The following EFNB2 variants were observed in gnomAD, a reference collection of about 807,000 sequenced individuals.
EFNB2 encodes the protein ephrin B2.
EFNB2 carries 5 observed loss-of-function variants against 32.1 expected under a neutral mutation model. The observed-to-expected ratio is 0.16, with a 90% confidence interval of 0.08 to 0.33. The LOEUF is 0.33. Among genes scored for constraint, EFNB2 ranks in the 10% least tolerant of loss-of-function variants. The pLI is 1.00. For missense variants in EFNB2, 263 were observed against 422.6 expected, an observed-to-expected ratio of 0.62 and a Z score of 3.31; for synonymous variants, 168 against 166.5, an observed-to-expected ratio of 1.01 and a Z score of -0.07.
chr13:106,530,147 G>T (rs1371823915), intron 1 of EFNB2, among the ~76,000 whole-genome samples: 9 of 152,086 alleles, frequency 5.9e-5, no homozygotes, highest in Admixed American at 5.2e-4. Flanking sequence ...GTATTCTTTG[G>T]CTTTATAGAG....
intron 1 of EFNB2, among the ~76,000 whole-genome samples, chr13:106,534,483 C>G (rs1352481745): frequency 1.3e-5 from 2 of 152,234 alleles, no homozygotes; most frequent in African/African-American, 4.8e-5. Context: ...GCCCACCAGT[C>G]CCCGCGTGCC....
At chr13:106,502,844 G>A (rs1053620833) in intron 2 of EFNB2, among the ~76,000 whole-genome samples, 1 of 68,814 alleles carries the variant, frequency 1.5e-5, no homozygotes, top group Non-Finnish European at 2.9e-5. Flanking sequence ...AAAGACGGAA[G>A]AGCAGAAAGT....
At chr13:106,504,986 T>C (rs1282876816) in intron 2 of EFNB2, among the ~76,000 whole-genome samples, 1 of 152,042 alleles carries the variant, frequency 6.6e-6, no homozygotes, top group East Asian at 1.9e-4. Flanking sequence ...AAAAAGAAAA[T>C]TCATAAGAGC....
At chr13:106,508,981 A>T (rs905448815) in intron 2 of EFNB2, among the ~76,000 whole-genome samples, 1 of 152,258 alleles carries the variant, frequency 6.6e-6, no homozygotes, top group Non-Finnish European at 1.5e-5. Flanking sequence ...AAGAATTTAC[A>T]GAGGATCATG....
intron 1 of EFNB2, among the ~76,000 whole-genome samples, chr13:106,531,893 A>G (rs1320279442): frequency 1.3e-5 from 2 of 152,196 alleles, no homozygotes; most frequent in African/African-American, 2.4e-5. Flanking sequence ...GCATTGCAGA[A>G]CACCATACCA....
In EFNB2 at chr13:106,490,250, C is replaced by A. The variant is rs997331878; in HGVS notation, c.*2790G>T. 6.6e-6 allele frequency: 1 copy of A among 152,166 alleles called. No homozygotes were observed. Among genetic ancestry groups the A allele is most frequent in the Non-Finnish European group, 1.5e-5 (1 of 68,008 alleles). 9.4% of individuals were successfully genotyped at this position (152,166 alleles called of 1,614,324 possible). ...AGGTGAATAAGGCTACTGTAACACCCCAAATCCATAGACAGTAAAATCTGA... is the reference window on the plus strand; with the variant it reads ...AGGTGAATAAGGCTACTGTAACACCACAAATCCATAGACAGTAAAATCTGA... On this transcript the variant is annotated 3_prime_UTR_variant, in exon 5 of 5. Coordinates refer to ENST00000646441, the MANE Select transcript of EFNB2 (RefSeq NM_004093.4).
rs1879387335 is a variant in EFNB2, at chr13:106,518,394, G to A, written c.123-5582C>T. ...AATATTCTTTAATATTAATAGACTA[G>A]AACACAGCATAATTAATGAAGACAA... is the stretch of plus-strand genomic sequence containing the variant. On this transcript the variant is annotated intron_variant, in intron 1 of 4. Coordinates refer to ENST00000646441, the MANE Select transcript of EFNB2 (RefSeq NM_004093.4). This position sits in a 1 kb window ranked among gnomAD's most constrained non-coding sequence, Gnocchi z 4.1. 1 of 152,166 alleles carries A rather than the reference G, an allele frequency of 6.6e-6. No homozygotes were observed. Among genetic ancestry groups the A allele is most frequent in the African/African-American group, 2.4e-5 (1 of 41,438 alleles). 9.4% of individuals were successfully genotyped at this position (152,166 alleles called of 1,614,324 possible).
chr13:106,504,366 A>C (rs763409853), intron 2 of EFNB2, among the ~76,000 whole-genome samples: 32 of 152,350 alleles, frequency 2.1e-4, no homozygotes, highest in Non-Finnish European at 4.1e-4. Context: ...ACAGTTTAGA[A>C]TATAACAACA....
chr13:106,523,554 G>A (rs1175145046), intron 1 of EFNB2, among the ~76,000 whole-genome samples: 6 of 152,192 alleles, frequency 3.9e-5, no homozygotes, highest in South Asian at 2.1e-4. Context: ...ACCTCTGGCC[G>A]GCGGCTGCAT....
Position 106,534,978 on chromosome 13 carries a change from C to A in EFNB2, c.-14G>T. On this transcript the variant is annotated 5_prime_UTR_variant, in exon 1 of 5. Transcript: ENST00000646441. Reference sequence around the variant, plus strand: ...TCTCACAGCCATGGCGAAGCCACTCCCAGCTCCGCGCACTCCGGGCCAAGA... The same window carrying A: ...TCTCACAGCCATGGCGAAGCCACTCACAGCTCCGCGCACTCCGGGCCAAGA... The A allele has an allele frequency of 1.2e-6, 2 of 1,612,462 alleles. No individual in the cohort carries two copies. The highest frequency in any genetic ancestry group is 1.7e-6 in the Non-Finnish European group (2 of 1,179,212).
Position 106,535,149 on chromosome 13 carries a change from A to C in EFNB2, c.-185T>G. On this transcript the variant is annotated 5_prime_UTR_variant, in exon 1 of 5. Transcript: ENST00000646441. ...GGTGCGCTCGCTCTCCGGGGCCCTCAGGGCGCGGGGCGGGAGCGCACGCGC... is the reference window on the plus strand; with the variant it reads ...GGTGCGCTCGCTCTCCGGGGCCCTCCGGGCGCGGGGCGGGAGCGCACGCGC... The C allele has an allele frequency of 2.1e-6, 1 of 471,794 alleles. No homozygotes were observed. Among genetic ancestry groups the C allele is most frequent in the Non-Finnish European group, 3.0e-6 (1 of 337,628 alleles). The allele number at this position is 471,794 out of a possible 1,614,324, so 29.2% of individuals were successfully genotyped here. A position where few individuals can be genotyped will look rare whatever the true frequency, so the allele number is the denominator to read the frequency against.
intron 2 of EFNB2, 89 bp downstream of exon 2, chr13:106,512,440 C>A (rs1594169777): frequency 7.5e-6 from 5 of 670,558 alleles, no homozygotes; most frequent in East Asian, 5.0e-5. Context: ...AATTATTTGT[C>A]ACAATAATTT....
chr13:106,508,613 G>T (rs1879035206), intron 2 of EFNB2, among the ~76,000 whole-genome samples: 1 of 152,070 alleles, frequency 6.6e-6, no homozygotes, highest in African/African-American at 2.4e-5. Context: ...GACTTAGGTG[G>T]GGCTATGTCT....
intron 1 of EFNB2, among the ~76,000 whole-genome samples, chr13:106,522,221 T>A (rs926712408): frequency 1.3e-5 from 2 of 152,196 alleles, no homozygotes; most frequent in Admixed American, 6.5e-5. Flanking sequence ...GCTGGCTTGA[T>A]CACGCCAGCT....
rs1878373424 is a variant in EFNB2 at position 106,490,734 on chromosome 13, A to C, written c.*2306T>G. 1.3e-5 allele frequency: 2 copies of C among 151,836 alleles called. No individual in the cohort carries two copies. The highest frequency in any genetic ancestry group is 4.1e-4 in the South Asian group (2 of 4,826). 9.4% of individuals were successfully genotyped at this position (151,836 alleles called of 1,614,324 possible). On this transcript the variant is annotated 3_prime_UTR_variant, in exon 5 of 5. Transcript: ENST00000646441. ...GTTACCATGGCAACCCTCCACAGAA[A>C]TATGATATAGATATATATAATATAT...
intron 1 of EFNB2, among the ~76,000 whole-genome samples, chr13:106,523,035 AT>A (rs1250387312): frequency 6.6e-6 from 1 of 152,200 alleles, no homozygotes; most frequent in Non-Finnish European, 1.5e-5. Context: ...GCTGTGTGCA[AT>A]TGCTTTACAA....
chr13:106,504,583 G>A (rs886230578), intron 2 of EFNB2, among the ~76,000 whole-genome samples: 14 of 152,146 alleles, frequency 9.2e-5, no homozygotes, highest in Non-Finnish European at 1.3e-4. Context: ...AATTTCCCGC[G>A]TTTGTGCCAA....
chr13:106,530,038 G>A (rs1879823184), intron 1 of EFNB2, among the ~76,000 whole-genome samples: 1 of 152,196 alleles, frequency 6.6e-6, no homozygotes, highest in African/African-American at 2.4e-5. Context: ...CTAGTATCGT[G>A]CTGAATTTAA....
chr13:106,507,563 T>C (rs1310158402), intron 2 of EFNB2, among the ~76,000 whole-genome samples: 2 of 152,066 alleles, frequency 1.3e-5, no homozygotes, highest in Non-Finnish European at 2.9e-5. Flanking sequence ...AGAAGTGGAG[T>C]ACATGTCTAA....
Sources: gnomAD v4.1 joint callset for allele counts (sites outside exome capture counted in the v4.1 genomes callset) on GRCh38, gnomAD v4.1.1 for gene constraint, Gnocchi (gnomAD v3.1) non-coding constraint, MANE v1.5 for transcripts, NCBI Gene and HGNC (gene_info 2026-07-23, HGNC 2026-07-21) for gene names.